The following PCDH9 variants were observed in gnomAD, a reference collection of about 807,000 sequenced individuals.
The protein encoded by PCDH9 is protocadherin-9.
A neutral mutation model predicts 70.6 loss-of-function variants in PCDH9; 24 were observed. The ratio of observed to expected loss-of-function variants is 0.34; its 90% CI spans 0.25 to 0.48. The LOEUF is 0.48. Ranked by LOEUF, PCDH9 falls within the 20% of genes least tolerant of loss-of-function variation. The pLI is 0.99. For missense variants in PCDH9, 1,281 were observed against 1,503.6 expected (o/e 0.85, Z 2.45); for synonymous variants, 562 against 558.5 (o/e 1.01, Z -0.09).
intron 2 of PCDH9, among the ~76,000 whole-genome samples, chr13:67,147,778 A>G (rs1392709765): frequency 6.6e-6 from 1 of 152,224 alleles, no homozygotes; most frequent in Middle Eastern, 3.2e-3. Flanking sequence ...AATGAGTATC[A>G]GGAGAATGCC....
intron 4 of PCDH9, among the ~76,000 whole-genome samples, chr13:66,325,879 C>T (rs1444120426): frequency 6.6e-6 from 1 of 152,142 alleles, no homozygotes; most frequent in Non-Finnish European, 1.5e-5. Flanking sequence ...AATTAAATAG[C>T]TTTGAAGCAC....
At chr13:66,884,609 AT>A (rs1188658558) in intron 3 of PCDH9, among the ~76,000 whole-genome samples, 1 of 152,150 alleles carries the variant, frequency 6.6e-6, no homozygotes, top group African/African-American at 2.4e-5. Flanking sequence ...ACATTATAAT[AT>A]TTTTATTAGC....
intron 2 of PCDH9, among the ~76,000 whole-genome samples, chr13:67,090,506 A>G (rs898576085): frequency 1.3e-5 from 2 of 152,012 alleles, no homozygotes; most frequent in African/African-American, 4.8e-5. Flanking sequence ...TTTAGGGCTT[A>G]CTTTTAGCTT....
At chr13:66,500,888 G>A (rs1454859353) in intron 4 of PCDH9, among the ~76,000 whole-genome samples, 2 of 151,918 alleles carry the variant, frequency 1.3e-5, no homozygotes, top group Non-Finnish European at 2.9e-5. Flanking sequence ...GCAATTACTT[G>A]CCCTTTTTCC....
intron 4 of PCDH9, among the ~76,000 whole-genome samples, chr13:66,460,541 C>A (rs1699624471): frequency 6.6e-6 from 1 of 151,820 alleles, no homozygotes; most frequent in Non-Finnish European, 1.5e-5. Flanking sequence ...CATATAAGTA[C>A]AATTTATAAA....
At chr13:66,940,444 G>C (rs2082989158) in intron 2 of PCDH9, among the ~76,000 whole-genome samples, 1 of 152,078 alleles carries the variant, frequency 6.6e-6, no homozygotes, top group African/African-American at 2.4e-5. Flanking sequence ...AGAGCAATTT[G>C]AGGTGATGAT....
chr13:66,878,804 C>T (rs2081868742), intron 3 of PCDH9, among the ~76,000 whole-genome samples: 1 of 151,706 alleles, frequency 6.6e-6, no homozygotes, highest in Non-Finnish European at 1.5e-5. Flanking sequence ...TCTTGGTGGG[C>T]TTAATAAAAA....
intron 3 of PCDH9, among the ~76,000 whole-genome samples, chr13:66,657,694 A>G (rs2077951363): frequency 6.6e-6 from 1 of 152,194 alleles, no homozygotes; most frequent in Non-Finnish European, 1.5e-5. Context: ...TCGTGGAAAT[A>G]GATGTCATAA....
At chr13:66,392,713 G>A (rs567192609) in intron 4 of PCDH9, among the ~76,000 whole-genome samples, 2 of 152,206 alleles carry the variant, frequency 1.3e-5, no homozygotes, top group Admixed American at 1.3e-4. Context: ...ATAGGTAAAA[G>A]TAGCCAGCAC....
At chr13:66,452,426 T>A (rs1239592898) in intron 4 of PCDH9, among the ~76,000 whole-genome samples, 7 of 152,140 alleles carry the variant, frequency 4.6e-5, no homozygotes. Flanking sequence ...AAACTCAAAA[T>A]TTTGGATGGG....
At chr13:66,807,760 T>C (rs1297135521) in intron 3 of PCDH9, among the ~76,000 whole-genome samples, 6 of 152,212 alleles carry the variant, frequency 3.9e-5, no homozygotes, top group African/African-American at 1.2e-4. Context: ...GAATTTTTAA[T>C]CCTTTGTGTT....
intron 3 of PCDH9, among the ~76,000 whole-genome samples, chr13:66,873,686 C>T (rs1277558370): frequency 1.3e-5 from 2 of 152,016 alleles, no homozygotes; most frequent in African/African-American, 4.8e-5. Flanking sequence ...CCACTCCCAT[C>T]CCCAGCTTCC....
intron 2 of PCDH9, among the ~76,000 whole-genome samples, chr13:67,161,078 C>A (rs2087946065): frequency 6.6e-6 from 1 of 152,184 alleles, no homozygotes; most frequent in Non-Finnish European, 1.5e-5. Context: ...TTCCACATAA[C>A]AGTACAATTA....
intron 2 of PCDH9, among the ~76,000 whole-genome samples, chr13:67,034,566 C>T (rs911557787): frequency 1.3e-5 from 2 of 152,046 alleles, no homozygotes; most frequent in Non-Finnish European, 2.9e-5. Flanking sequence ...ACTCACTGCG[C>T]TCTGGGCCAC....
chr13:66,463,437 A>G (rs1295735366), intron 4 of PCDH9, among the ~76,000 whole-genome samples: 3 of 151,850 alleles, frequency 2.0e-5, no homozygotes, highest in Non-Finnish European at 4.4e-5. Context: ...TGCACAGCAA[A>G]TAACAAAACA....
chr13:66,678,472 A>T (rs1052722084), intron 3 of PCDH9, among the ~76,000 whole-genome samples: 3 of 152,038 alleles, frequency 2.0e-5, no homozygotes, highest in African/African-American at 7.2e-5. Flanking sequence ...AAAACTTTTG[A>T]TGTATTATAG....
intron 2 of PCDH9, among the ~76,000 whole-genome samples, chr13:67,184,814 T>G (rs769748097): frequency 9.2e-5 from 14 of 152,292 alleles, no homozygotes; most frequent in South Asian, 4.1e-4. Context: ...AAACCAAAAA[T>G]TCTATAAATA....
chr13:66,918,555 TG>T (rs2096546817), intron 2 of PCDH9, among the ~76,000 whole-genome samples: 1 of 151,264 alleles, frequency 6.6e-6, no homozygotes, highest in Non-Finnish European at 1.5e-5. Context: ...ATAAAATGAA[TG>T]TATCTTAATT....
chr13:66,337,773 G>A (rs976998328), intron 4 of PCDH9, among the ~76,000 whole-genome samples: 2 of 152,000 alleles, frequency 1.3e-5, no homozygotes, highest in Non-Finnish European at 2.9e-5. Context: ...GTAAATAAAA[G>A]GACAATGAGA....
Sources: gnomAD v4.1 joint callset for allele counts (sites outside exome capture counted in the v4.1 genomes callset) on GRCh38, gnomAD v4.1.1 for gene constraint, MANE v1.5 for transcripts, NCBI Gene and HGNC (gene_info 2026-07-23, HGNC 2026-07-21) for gene names.